The following NME1 variants were observed in gnomAD, a reference collection of about 807,000 sequenced individuals.
NME1 encodes the protein NME/NM23 nucleoside diphosphate kinase 1, also known as nucleoside diphosphate kinase A.
NME1 carries 9 observed loss-of-function variants against 17.2 expected under a neutral mutation model. That is an observed-to-expected ratio of 0.52 (90% CI 0.32 to 0.92). The LOEUF is 0.92. NME1 is among the 40% of genes least tolerant of loss of function. The pLI, the probability that NME1 is intolerant of heterozygous loss-of-function variation, is 0.04. For missense variants in NME1, 169 were observed against 201.7 expected, an observed-to-expected ratio of 0.84 and a Z score of 0.98; for synonymous variants, 72 against 70.8, an observed-to-expected ratio of 1.02 and a Z score of -0.09.
chr17:51,154,291 GAC>G (rs1174555893), intron 1 of NME1: 32 of 1,292,262 alleles, frequency 2.5e-5, no homozygotes, highest in Non-Finnish European at 3.3e-5. Context: ...AGGGGAGGCA[GAC>G]ACACAAACAG....
chr17:51,159,526 G>C (rs1292456567), intron 2 of NME1, among the ~76,000 whole-genome samples: 1 of 152,216 alleles, frequency 6.6e-6, no homozygotes, highest in South Asian at 2.1e-4. Context: ...GAACCCAGGA[G>C]GTGGAGGTTG....
chr17:51,161,964 C>T lies in NME1; in HGVS notation c.*119C>T. ...CTTCATCATAATTTGGAGGGAAGCT[C>T]TTGGAGCTGTGAGTTCTCCCTGTAC... On this transcript the variant is annotated 3_prime_UTR_variant, in exon 5 of 5. Coordinates refer to ENST00000393196, the MANE Select transcript of NME1 (RefSeq NM_000269.3). 1 of 755,852 alleles carries T rather than the reference C, an allele frequency of 1.3e-6. No individual in the cohort carries two copies. The highest frequency in any genetic ancestry group is 2.5e-5 in the East Asian group (1 of 40,404). The allele number at this position is 755,852 out of a possible 1,614,324, so 46.8% of individuals were successfully genotyped here. A position where few individuals can be genotyped will look rare whatever the true frequency, so the allele number is the denominator to read the frequency against.
intron 2 of NME1, among the ~76,000 whole-genome samples, chr17:51,157,152 T>C (rs1307144248): frequency 1.3e-5 from 2 of 152,014 alleles, no homozygotes; most frequent in East Asian, 1.9e-4. Flanking sequence ...AAAACTGCTT[T>C]AGGGCTGGCA....
At chr17:51,158,148 C>T (rs1407960904) in intron 2 of NME1, among the ~76,000 whole-genome samples, 2 of 152,116 alleles carry the variant, frequency 1.3e-5, no homozygotes, top group African/African-American at 2.4e-5. Context: ...GGTGTGATGG[C>T]GCATGCCTGT....
chr17:51,154,181 C>A, intron 1 of NME1: 4 of 496,978 alleles, frequency 8.0e-6, no homozygotes, highest in South Asian at 2.7e-5. Context: ...TTGGAAGTTG[C>A]AGAATGGTGA....
rs751671862 is a variant in NME1 at position 51,159,985 on chromosome 17, C to T, written c.132C>T (p.Ser44=). The stretch of plus-strand genomic sequence containing the variant: ...TTCTCTGTCCTGTTGAATAGGCTTC[C>T]GAAGATCTTCTCAAGGAACACTACG... ...RLVGLKFMQA[S]EDLLKEHYVD... The change falls in exon 3 of 5, where the codon TCC becomes TCT. Residue 44 remains serine, a synonymous_variant. Coordinates refer to ENST00000393196, the MANE Select transcript of NME1 (RefSeq NM_000269.3). 17 of 1,613,938 alleles carry T rather than the reference C, an allele frequency of 1.1e-5. No homozygotes were observed. The highest frequency in any genetic ancestry group is 8.0e-5 in the African/African-American group (6 of 74,874).
chr17:51,156,369 C>CAAG, intron 2 of NME1: 1 of 164,502 alleles, frequency 6.1e-6, no homozygotes, highest in Non-Finnish European at 1.3e-5. Flanking sequence ...AACCCTTCTT[C>CAAG]AAACAAATTC....
intron 1 of NME1, chr17:51,154,512 TTTCAG>T: frequency 7.5e-7 from 1 of 1,341,128 alleles, no homozygotes; most frequent in Non-Finnish European, 1.1e-6. Flanking sequence ...CTAGGCTTCC[TTTCAG>T]TATGATGTCC....
intron 2 of NME1, among the ~76,000 whole-genome samples, chr17:51,158,219 G>A (rs1379433601): frequency 6.6e-6 from 1 of 152,248 alleles, no homozygotes; most frequent in Non-Finnish European, 1.5e-5. Context: ...GGTGGAGGTT[G>A]CAGTGAGCGG....
intron 2 of NME1, among the ~76,000 whole-genome samples, chr17:51,157,664 A>G (rs2049806552): frequency 6.6e-6 from 1 of 152,184 alleles, no homozygotes; most frequent in Non-Finnish European, 1.5e-5. Flanking sequence ...AGCCTTGAGA[A>G]GTACTTACTC....
chr17:51,158,377 C>T (rs1156575564), intron 2 of NME1, among the ~76,000 whole-genome samples: 3 of 151,808 alleles, frequency 2.0e-5, no homozygotes, highest in Non-Finnish European at 4.4e-5. Flanking sequence ...GAGTTTGAGG[C>T]CGCAGTGAGC....
intron 2 of NME1, among the ~76,000 whole-genome samples, chr17:51,158,863 C>T (rs1387666500): frequency 2.0e-5 from 3 of 152,210 alleles, no homozygotes; most frequent in South Asian, 2.1e-4. Flanking sequence ...TAACTTGATT[C>T]GTTCCCACAT....
intron 2 of NME1, among the ~76,000 whole-genome samples, chr17:51,158,428 A>G (rs1225123196): frequency 1.3e-5 from 2 of 152,158 alleles, no homozygotes; most frequent in African/African-American, 4.8e-5. Context: ...TGACAGAAAG[A>G]CCCTGTCTCA....
Position 51,161,161 on chromosome 17 carries a change from T to C in NME1, c.230T>C (p.Val77Ala). The C allele has an allele frequency of 6.2e-7, 1 of 1,609,324 alleles. No homozygotes were observed. The highest frequency in any genetic ancestry group is 8.5e-7 in the Non-Finnish European group (1 of 1,177,880). Residue 77 changes from valine (V) to alanine (A), a missense_variant and splice_region_variant, in exon 4 of 5, where the codon GTC becomes GCC. Physicochemically the swap from Val to Ala is moderately conservative, Grantham distance 64. Transcript: ENST00000393196. Reference sequence around the variant, plus strand: ...CCATATCTTCTTCTGTCCTTGGAGGTCTGGGAGGGGCTGAATGTGGTGAAG... The same window carrying C: ...CCATATCTTCTTCTGTCCTTGGAGGCCTGGGAGGGGCTGAATGTGGTGAAG... ...YMHSGPVVAM[V>A]WEGLNVVKTG...
intron 3 of NME1, 179 bp from the exon 4 acceptor site, chr17:51,160,981 G>T (rs1366886402): frequency 1.3e-4 from 96 of 743,374 alleles, no homozygotes; most frequent in Non-Finnish European, 1.3e-4. Flanking sequence ...CAAGCATGAG[G>T]GCAGGGAGAT....
rs548717276 is a variant in NME1, at chr17:51,159,192, G to T, written c.127-788G>T. Among the ~76,000 whole-genome samples the T allele has an allele frequency of 1.5e-4, 23 of 152,138 alleles. 1 individual carries two copies. Among genetic ancestry groups the T allele is most frequent in the Middle Eastern group, 3.4e-3 (1 of 294 alleles). On this transcript the variant is annotated intron_variant, in intron 2 of 4. Coordinates refer to ENST00000393196, the MANE Select transcript of NME1 (RefSeq NM_000269.3). ...TTGAGGGCCAGGCATGGTGGGTCAC[G>T]CCTGTAAGCCCAGCACTTTGGGAGG... is the stretch of plus-strand genomic sequence containing the variant.
chr17:51,161,803 G>C lies in NME1; in HGVS notation c.417G>C (p.Leu139=), dbSNP rs975593083. 6.2e-7 allele frequency: 1 copy of C among 1,613,936 alleles called. No individual in the cohort carries two copies. Among genetic ancestry groups the C allele is most frequent in the Non-Finnish European group, 8.5e-7 (1 of 1,179,848 alleles). ...EIGLWFHPEE[L]VDYTSCAQNW... is the part of the protein sequence containing the mutation. ...GCTTGTGGTTTCACCCTGAGGAACT[G>C]GTAGATTACACGAGCTGTGCTCAGA... is the stretch of plus-strand genomic sequence containing the variant. The change falls in exon 5 of 5, where the codon CTG becomes CTC. Residue 139 remains leucine (L), a synonymous_variant. Coordinates refer to ENST00000393196, the MANE Select transcript of NME1 (RefSeq NM_000269.3).
At position 51,161,724 on chromosome 17, in the gene NME1, C is replaced by T. The variant is rs1221150207; in HGVS notation, c.342-4C>T. ...GTCATGTGACTATCTCTTTCTCCAC[C>T]CAGGAACATTATACATGGCAGTGAT... is the stretch of plus-strand genomic sequence containing the variant. On this transcript the variant is annotated splice_region_variant and splice_polypyrimidine_tract_variant and intron_variant, in intron 4 of 4. Coordinates refer to ENST00000393196, the MANE Select transcript of NME1 (RefSeq NM_000269.3). 22 of 1,608,116 alleles carry T rather than the reference C, an allele frequency of 1.4e-5. No homozygotes were observed. Among genetic ancestry groups the T allele is most frequent in the Non-Finnish European group, 1.8e-5 (21 of 1,174,486 alleles).
intron 3 of NME1, 50 bp from the exon 4 acceptor site, chr17:51,161,110 C>A (rs1390967697): frequency 6.4e-7 from 1 of 1,554,394 alleles, no homozygotes; most frequent in South Asian, 1.2e-5. Context: ...GCCAGATTTT[C>A]TGCTGTGATT....
Sources: gnomAD v4.1 joint callset for allele counts (sites outside exome capture counted in the v4.1 genomes callset) on GRCh38, gnomAD v4.1.1 for gene constraint, MANE v1.5 for transcripts, NCBI Gene and HGNC (gene_info 2026-07-23, HGNC 2026-07-21) for gene names.